MIDEAS: variants seen among roughly 807,000 people sequenced by gnomAD.
MIDEAS encodes the protein mitotic deacetylase associated SANT domain protein, also known as mitotic deacetylase-associated SANT domain protein.
In MIDEAS, 26 loss-of-function variants were observed where a neutral mutation model predicts 102.7. The ratio of observed to expected loss-of-function variants is 0.25; its 90% CI spans 0.19 to 0.35. The LOEUF is 0.35. Among genes scored for constraint, MIDEAS ranks in the 10% least tolerant of loss-of-function variants. The probability of loss-of-function intolerance (pLI) is 1.00; values close to 1 mark genes in which losing one functional copy is unlikely to be tolerated. For missense variants in MIDEAS, 1,231 were observed against 1,435.6 expected (o/e 0.86, Z 2.30); for synonymous variants, 585 against 591.0 (o/e 0.99, Z 0.15).
chr14:73,727,731 C>G (rs74759895), intron 4 of MIDEAS: 97,613 of 549,196 alleles, frequency 0.18, 9,573 homozygotes, highest in South Asian at 0.27. Flanking sequence ...TCAGTTTTCA[C>G]ACTCACCAAA....
upstream of MIDEAS, among the ~76,000 whole-genome samples, chr14:73,762,967 C>G (rs1426507812): frequency 6.6e-6 from 1 of 152,188 alleles, no homozygotes. Context: ...AGGGCCACAT[C>G]AGCTCTCTGG....
At chr14:73,775,893 C>G (rs1006693638) in intron 1 of MIDEAS, among the ~76,000 whole-genome samples, 79 of 151,986 alleles carry the variant, frequency 5.2e-4, no homozygotes, top group African/African-American at 1.9e-3. Flanking sequence ...CCCAGGCAAA[C>G]AAAGCTGTAG....
rs956993883 is a variant in MIDEAS at position 73,742,157 on chromosome 14, G to A, written c.-247-1902C>T. Among the ~76,000 whole-genome samples, 6 of 152,274 alleles carry A rather than the reference G, an allele frequency of 3.9e-5. No homozygotes were observed. The highest frequency in any genetic ancestry group is 7.2e-5 in the African/African-American group (3 of 41,480). ...ATCAAGCCCACAGAACTAGAAGTGCGTGTCTGCAGAAGCAAGACAGAGAAA... is the reference window on the plus strand; with the variant it reads ...ATCAAGCCCACAGAACTAGAAGTGCATGTCTGCAGAAGCAAGACAGAGAAA... On this transcript the variant is annotated intron_variant, in intron 1 of 12. Coordinates refer to ENST00000423556, the MANE Select transcript of MIDEAS (RefSeq NM_001367710.1). The surrounding 1 kb of genome is among the most constrained non-coding windows in gnomAD (Gnocchi z 4.4).
upstream of MIDEAS, among the ~76,000 whole-genome samples, chr14:73,764,420 C>T (rs1188133677): frequency 6.6e-6 from 1 of 151,876 alleles, no homozygotes; most frequent in Non-Finnish European, 1.5e-5. Context: ...CCCCATGGGC[C>T]TCAGGTAACC....
At position 73,718,448 on chromosome 14, in the gene MIDEAS, T is replaced by G. The variant is rs996529716; in HGVS notation, c.*395A>C. On this transcript the variant is annotated 3_prime_UTR_variant, in exon 13 of 13. Coordinates refer to ENST00000423556, the MANE Select transcript of MIDEAS (RefSeq NM_001367710.1). ...TGCTGCTCCAAAGTGGGTGAGCTTGTGCTTGGCCGGCCACGGTGGCTTCCT... is the reference window on the plus strand; with the variant it reads ...TGCTGCTCCAAAGTGGGTGAGCTTGGGCTTGGCCGGCCACGGTGGCTTCCT... The G allele has an allele frequency of 4.3e-4, 70 of 161,720 alleles. No homozygotes were observed. Among genetic ancestry groups the G allele is most frequent in the Middle Eastern group, 2.9e-3 (1 of 350 alleles). 10.0% of individuals were successfully genotyped at this position (161,720 alleles called of 1,614,324 possible).
In MIDEAS at chr14:73,722,680, G is replaced by T. The variant is rs2079262196; in HGVS notation, c.2724+18C>A. 1 of 1,612,670 alleles carries T rather than the reference G, an allele frequency of 6.2e-7. No homozygotes were observed. Among genetic ancestry groups the T allele is most frequent in the South Asian group, 1.1e-5 (1 of 91,008 alleles). ...CCCAGCCCAGGCTCTATGCAGCTGAGGTTGGAAAAGGAGTCACCTTAATAT... is the reference window on the plus strand; with the variant it reads ...CCCAGCCCAGGCTCTATGCAGCTGATGTTGGAAAAGGAGTCACCTTAATAT... On this transcript the variant is annotated intron_variant, in intron 10 of 12. Transcript: ENST00000423556.
intron 1 of MIDEAS, among the ~76,000 whole-genome samples, chr14:73,747,900 G>C (rs115823397): frequency 1.3e-4 from 20 of 152,294 alleles, no homozygotes; most frequent in African/African-American, 4.3e-4. Flanking sequence ...GTCGCACAGA[G>C]CCCTGAGGGG....
chr14:73,720,489 C>G (rs1468314337), intron 11 of MIDEAS, among the ~76,000 whole-genome samples: 1 of 152,090 alleles, frequency 6.6e-6, no homozygotes, highest in East Asian at 1.9e-4. Flanking sequence ...TCAGGTGATC[C>G]ACTCACCTTG....
At chr14:73,776,729 G>A (rs541926554) in intron 1 of MIDEAS, among the ~76,000 whole-genome samples, 3 of 152,036 alleles carry the variant, frequency 2.0e-5, no homozygotes, top group East Asian at 3.9e-4. Flanking sequence ...GTCCTGAGAG[G>A]AGGCAGAGTT....
upstream of MIDEAS, among the ~76,000 whole-genome samples, chr14:73,764,733 G>A (rs1024911233): frequency 1.3e-5 from 2 of 152,168 alleles, no homozygotes; most frequent in African/African-American, 2.4e-5. Context: ...AAACCCCAGG[G>A]GACCCTCCTC....
intron 1 of MIDEAS, among the ~76,000 whole-genome samples, chr14:73,745,236 A>G (rs765553793): frequency 4.6e-5 from 7 of 152,032 alleles, no homozygotes; most frequent in Non-Finnish European, 1.0e-4. Context: ...CTCTACACCT[A>G]TGTGGAACAC....
In MIDEAS at chr14:73,744,887, T is replaced by C. The variant is rs1173107062; in HGVS notation, c.-247-4632A>G. Reference sequence around the variant, plus strand: ...CTGACCCCAGAGCTGAGACAGGAGCTGAACTACAAGCCCCTATAACACACT... The same window carrying C: ...CTGACCCCAGAGCTGAGACAGGAGCCGAACTACAAGCCCCTATAACACACT... On this transcript the variant is annotated intron_variant, in intron 1 of 12. Transcript: ENST00000423556. 2.6e-5 allele frequency among the ~76,000 whole-genome samples: 4 copies of C among 152,280 alleles called. No individual in the cohort carries two copies. The East Asian group carries it at 7.7e-4, about 29-fold the overall frequency.
intron 3 of MIDEAS, among the ~76,000 whole-genome samples, chr14:73,736,017 C>A (rs1170789430): frequency 6.6e-6 from 1 of 152,080 alleles, no homozygotes; most frequent in African/African-American, 2.4e-5. Flanking sequence ...ATTAGCCAGG[C>A]TTCGTGATGC....
chr14:73,746,258 G>C (rs2053350265), intron 1 of MIDEAS, among the ~76,000 whole-genome samples: 1 of 152,204 alleles, frequency 6.6e-6, no homozygotes, highest in Admixed American at 6.5e-5. Context: ...TGCCAGGGGT[G>C]GGGGAGGTGG....
At chr14:73,754,379 C>G (rs1262132805) in intron 1 of MIDEAS, among the ~76,000 whole-genome samples, 1 of 152,218 alleles carries the variant, frequency 6.6e-6, no homozygotes, top group Admixed American at 6.5e-5. Context: ...CACGCACATG[C>G]AAACAAATAA....
In MIDEAS at chr14:73,737,142, A is replaced by C. The variant is rs766881496; in HGVS notation, c.1605T>G (p.Thr535=). The C allele has an allele frequency of 3.7e-6, 6 of 1,613,662 alleles. No homozygotes were observed. Among genetic ancestry groups the C allele is most frequent in the Non-Finnish European group, 5.1e-6 (6 of 1,179,926 alleles). The change falls in exon 3 of 13, where the codon ACT becomes ACG. Residue 535 remains threonine (T), a synonymous_variant. Transcript: ENST00000423556. The stretch of plus-strand genomic sequence containing the variant: ...CCTGGGCTGCCTCAGTTGGGTCCAC[A>C]GTTCGCACAGGCACAGACACTGGGA... ...LIIPVSVPVR[T]VDPTEAAQAG...
Position 73,719,093 on chromosome 14 carries a change from C to T in MIDEAS, c.3135-85G>A, listed in dbSNP as rs116025674. The T allele has an allele frequency of 7.3e-5, 106 of 1,451,360 alleles. No individual in the cohort carries two copies. In the African/African-American group the frequency reaches 1.4e-3, roughly 19 times the overall value. The allele number at this position is 1,451,360 out of a possible 1,614,324, so 89.9% of individuals were successfully genotyped here. ...GGTGCGCGAGGAGCCCCAGCCTTCA[C>T]CTTCACCCCCACGCTGCACAGCCGC... On this transcript the variant is annotated intron_variant, in intron 12 of 12. Coordinates refer to ENST00000423556, the MANE Select transcript of MIDEAS (RefSeq NM_001367710.1).
chr14:73,729,516 C>T (rs970288890), intron 4 of MIDEAS, 124 bp downstream of exon 4: 13 of 793,744 alleles, frequency 1.6e-5, no homozygotes, highest in Non-Finnish European at 2.3e-5. Flanking sequence ...TCAGAGAAGA[C>T]AGAGCAGAGC....
rs770216844 is a variant in MIDEAS, at chr14:73,739,550, C to G, written c.459G>C (p.Val153=). ...GGTGGTTATAGTAAGTCGGGACTCC[C>G]ACTCCAGGATGCGGGCTCCCCTTGG... ...SATKGSPHPG[V]GVPTYYNHPE... is the part of the protein sequence containing the mutation. The change falls in exon 2 of 13, where the codon GTG becomes GTC. Residue 153 remains valine (V), a synonymous_variant. Transcript: ENST00000423556. 6.2e-7 allele frequency: 1 copy of G among 1,614,066 alleles called. No individual in the cohort carries two copies. The highest frequency in any genetic ancestry group is 8.5e-7 in the Non-Finnish European group (1 of 1,180,026).
Sources: gnomAD v4.1 joint callset for allele counts (sites outside exome capture counted in the v4.1 genomes callset) on GRCh38, gnomAD v4.1.1 for gene constraint, Gnocchi (gnomAD v3.1) non-coding constraint, MANE v1.5 for transcripts, NCBI Gene and HGNC (gene_info 2026-07-23, HGNC 2026-07-21) for gene names.